STARD13: variants seen among roughly 807,000 people sequenced by gnomAD.
STARD13 encodes the protein StAR related lipid transfer domain containing 13.
A neutral mutation model predicts 106.4 loss-of-function variants in STARD13; 62 were observed. The observed-to-expected ratio is 0.58, with a 90% CI of 0.48 to 0.72. The LOEUF (loss-of-function observed/expected upper bound fraction) is 0.72. Ranked by LOEUF, STARD13 falls within the 30% of genes least tolerant of loss-of-function variation. The probability of loss-of-function intolerance (pLI) is 0.00; values close to 1 mark genes in which losing one functional copy is unlikely to be tolerated. For missense variants in STARD13, 1,387 were observed against 1,424.0 expected, an observed-to-expected ratio of 0.97 and a Z score of 0.42; for synonymous variants, 565 against 553.0, an observed-to-expected ratio of 1.02 and a Z score of -0.31.
chr13:33,499,604 T>TTCC, the STARD13 span, among the ~76,000 whole-genome samples: 119 of 39,830 alleles, frequency 3.0e-3, 1 homozygote, highest in Admixed American at 3.2e-3. Flanking sequence ...CTTCTTCTTC[T>TTCC]TTCTTCTTCT....
At chr13:33,506,040 G>A in the STARD13 span, among the ~76,000 whole-genome samples, 1 of 152,138 alleles carries the variant, frequency 6.6e-6, no homozygotes, top group African/African-American at 2.4e-5. Flanking sequence ...TCCCCCAACT[G>A]TACCCATAGT....
intron 1 of STARD13, among the ~76,000 whole-genome samples, chr13:33,310,073 T>C (rs1893073008): frequency 6.6e-6 from 1 of 152,128 alleles, no homozygotes; most frequent in South Asian, 2.1e-4. Flanking sequence ...TTCTTCCCAG[T>C]GTTTGGATAG....
chr13:33,385,218 A>AATATATATATATATAT, the STARD13 span, among the ~76,000 whole-genome samples: 13 of 33,582 alleles, frequency 3.9e-4, no homozygotes, highest in Non-Finnish European at 6.7e-4. Flanking sequence ...AAAGGTTCGG[A>AATATATATATATATAT]ATATATATAT....
intron 11 of STARD13, among the ~76,000 whole-genome samples, chr13:33,110,316 G>A (rs1874346410): frequency 6.6e-6 from 1 of 152,180 alleles, no homozygotes; most frequent in East Asian, 1.9e-4. Flanking sequence ...CACACCTAGT[G>A]GTTACTGTGT....
chr13:33,449,881 G>A, the STARD13 span, among the ~76,000 whole-genome samples: 1 of 151,806 alleles, frequency 6.6e-6, no homozygotes, highest in African/African-American at 2.4e-5. Flanking sequence ...TTCTTTTTCA[G>A]GTTCTTCACT....
intron 1 of STARD13, among the ~76,000 whole-genome samples, chr13:33,268,042 G>A (rs1480227037): frequency 1.3e-5 from 2 of 152,170 alleles, no homozygotes; most frequent in African/African-American, 4.8e-5. Context: ...AATATTAAGA[G>A]TAGGCATTAT....
chr13:33,382,608 AT>A, the STARD13 span, among the ~76,000 whole-genome samples: 1 of 152,204 alleles, frequency 6.6e-6, no homozygotes, highest in Non-Finnish European at 1.5e-5. Flanking sequence ...ATAAACATGG[AT>A]TCAAGAACTC....
the STARD13 span, among the ~76,000 whole-genome samples, chr13:33,582,552 T>A: frequency 2.0e-5 from 3 of 152,212 alleles, no homozygotes; most frequent in African/African-American, 7.2e-5. Flanking sequence ...GAATACCTGT[T>A]AATATGTACA....
At chr13:33,492,161 C>A in the STARD13 span, among the ~76,000 whole-genome samples, 3 of 152,194 alleles carry the variant, frequency 2.0e-5, no homozygotes, top group South Asian at 6.2e-4. Context: ...GCCATTTTCA[C>A]TTCCTTTGTG....
the STARD13 span, among the ~76,000 whole-genome samples, chr13:33,619,747 A>C: frequency 6.6e-6 from 1 of 152,216 alleles, no homozygotes; most frequent in Admixed American, 6.5e-5. Flanking sequence ...GAGCCAAACC[A>C]TATCAATAAT....
the STARD13 span, among the ~76,000 whole-genome samples, chr13:33,512,769 G>A: frequency 0.29 from 44,018 of 151,856 alleles, 7,162 homozygotes; most frequent in Non-Finnish European, 0.37. Context: ...GCGCTCGGCC[G>A]TTTTTTCACT....
chr13:33,167,509 G>A, intron 2 of STARD13, 42 bp downstream of exon 2: 2 of 1,599,348 alleles, frequency 1.3e-6, no homozygotes, highest in Non-Finnish European at 1.7e-6. Flanking sequence ...GTTCATTTTG[G>A]ATTTATTCTC....
chr13:33,180,698 CT>C (rs1313354504), intron 1 of STARD13, among the ~76,000 whole-genome samples: 4 of 152,152 alleles, frequency 2.6e-5, no homozygotes, highest in African/African-American at 9.7e-5. Context: ...ATTCAGGGAT[CT>C]GCTTTGTGAG....
chr13:33,139,803 T>G (rs929456323), intron 4 of STARD13, among the ~76,000 whole-genome samples: 6 of 152,098 alleles, frequency 3.9e-5, no homozygotes, highest in Non-Finnish European at 8.8e-5. Context: ...GTCTATGGCT[T>G]GTGTAAGAGG....
chr13:33,134,173 C>G (rs1878737539), intron 4 of STARD13, among the ~76,000 whole-genome samples: 1 of 152,114 alleles, frequency 6.6e-6, no homozygotes, highest in South Asian at 2.1e-4. Context: ...TAGCTAGATG[C>G]TACACAACGG....
chr13:33,530,992 G>T, the STARD13 span, among the ~76,000 whole-genome samples: 1 of 152,098 alleles, frequency 6.6e-6, no homozygotes, highest in African/African-American at 2.4e-5. Context: ...ATCTCATCTT[G>T]AATTGTAGCT....
At chr13:33,475,972 A>G in the STARD13 span, among the ~76,000 whole-genome samples, 1 of 151,992 alleles carries the variant, frequency 6.6e-6, no homozygotes, top group East Asian at 1.9e-4. Context: ...AAAAAAAAGA[A>G]AAAAAAGAAA....
chr13:33,546,909 CT>C, the STARD13 span, among the ~76,000 whole-genome samples: 15 of 151,576 alleles, frequency 9.9e-5, no homozygotes, highest in Non-Finnish European at 1.6e-4. Flanking sequence ...ATGAGAGATA[CT>C]TTTTTTTGGA....
At chr13:33,607,571 C>G in the STARD13 span, among the ~76,000 whole-genome samples, 5 of 152,076 alleles carry the variant, frequency 3.3e-5, no homozygotes, top group African/African-American at 1.2e-4. Context: ...GCTGGGATTA[C>G]AGGTGTGAGC....
Sources: gnomAD v4.1 joint callset for allele counts (sites outside exome capture counted in the v4.1 genomes callset) on GRCh38, gnomAD v4.1.1 for gene constraint, MANE v1.5 for transcripts, NCBI Gene and HGNC (gene_info 2026-07-23, HGNC 2026-07-21) for gene names.